The following RAD18 variants were observed in gnomAD, a reference collection of about 807,000 sequenced individuals.
RAD18 encodes the protein E3 ubiquitin-protein ligase RAD18.
A neutral mutation model predicts 60.4 loss-of-function variants in RAD18; 47 were observed. The ratio of observed to expected loss-of-function variants is 0.78; its 90% CI spans 0.62 to 0.99. The LOEUF is 0.99. RAD18 is among the 50% of genes least tolerant of loss of function. RAD18 has a pLI of 0.00. For missense variants in RAD18, 640 were observed against 593.3 expected (o/e 1.08, Z -0.82); for synonymous variants, 225 against 195.5 (o/e 1.15, Z -1.26).
chr3:8,956,766 C>G (rs547164447), intron 2 of RAD18, among the ~76,000 whole-genome samples: 1 of 100,098 alleles, frequency 1.0e-5, no homozygotes, highest in South Asian at 2.7e-4. Flanking sequence ...AAAAAATCCT[C>G]TCGCCTAACC....
At chr3:8,881,594 A>C in intron 12 of RAD18, 135 bp from the exon 13 acceptor site, 1 of 656,914 alleles carries the variant, frequency 1.5e-6, no homozygotes, top group Non-Finnish European at 2.6e-6. Flanking sequence ...ATGAATTCAT[A>C]ATTGTTATTA....
chr3:8,943,700 C>T (rs180852413), intron 4 of RAD18, among the ~76,000 whole-genome samples: 105 of 151,166 alleles, frequency 6.9e-4, no homozygotes, highest in African/African-American at 2.2e-3. Flanking sequence ...TTACATGAAA[C>T]GCAACAACAG....
intron 7 of RAD18, among the ~76,000 whole-genome samples, chr3:8,932,120 T>C (rs602193): frequency 0.71 from 107,262 of 152,048 alleles, 38,277 homozygotes; most frequent in Middle Eastern, 0.78. Flanking sequence ...TGCAACACAA[T>C]TGTATACATA....
At chr3:8,909,064 A>G (rs977346531) in intron 9 of RAD18, among the ~76,000 whole-genome samples, 9 of 152,168 alleles carry the variant, frequency 5.9e-5, no homozygotes, top group African/African-American at 2.2e-4. Flanking sequence ...GAGTATAGAT[A>G]GGGGGGTCAG....
At chr3:8,938,103 A>T (rs1940684404) in intron 6 of RAD18, among the ~76,000 whole-genome samples, 1 of 151,976 alleles carries the variant, frequency 6.6e-6, no homozygotes, top group African/African-American at 2.4e-5. Flanking sequence ...AGTTCATCAA[A>T]CTCTCGTGGC....
At chr3:8,928,070 AT>A (rs1940477639) in intron 7 of RAD18, among the ~76,000 whole-genome samples, 1 of 151,198 alleles carries the variant, frequency 6.6e-6, no homozygotes. Context: ...AAAAAAAAGA[AT>A]GAAAGTCTTA....
rs1197937978 is a variant in RAD18, at chr3:8,885,229, C to T, written c.1386-3770G>A. Reference sequence around the variant, plus strand: ...GAGACAGTGGTCAGATCAAGGACCACTGTAAACAGGCCTGAGTTTCCTTTT... The same window carrying T: ...GAGACAGTGGTCAGATCAAGGACCATTGTAAACAGGCCTGAGTTTCCTTTT... On this transcript the variant is annotated intron_variant, in intron 12 of 12. Coordinates refer to ENST00000264926, the MANE Select transcript of RAD18 (RefSeq NM_020165.4). Among the ~76,000 whole-genome samples, 7 of 152,288 alleles carry T rather than the reference C, an allele frequency of 4.6e-5. No homozygotes were observed. The East Asian group carries it at 1.2e-3, about 25-fold the overall frequency.
At chr3:8,893,512 C>A (rs1939727921) in intron 11 of RAD18, among the ~76,000 whole-genome samples, 1 of 152,070 alleles carries the variant, frequency 6.6e-6, no homozygotes, top group African/African-American at 2.4e-5. Flanking sequence ...TTTTAGTAAT[C>A]TGTAAGACAA....
chr3:8,914,997 A>AAC (rs1940173673), intron 7 of RAD18, among the ~76,000 whole-genome samples: 1 of 151,240 alleles, frequency 6.6e-6, no homozygotes, highest in Non-Finnish European at 1.5e-5. Context: ...AAATTTTTTA[A>AAC]AATTAGCCGG....
At chr3:8,926,351 A>G (rs1940434386) in intron 7 of RAD18, among the ~76,000 whole-genome samples, 1 of 152,198 alleles carries the variant, frequency 6.6e-6, no homozygotes, top group Admixed American at 6.5e-5. Flanking sequence ...CAACTTACAA[A>G]GGATGTGAAG....
At chr3:8,908,414 G>A (rs986610854) in intron 9 of RAD18, among the ~76,000 whole-genome samples, 1 of 152,028 alleles carries the variant, frequency 6.6e-6, no homozygotes, top group African/African-American at 2.4e-5. Context: ...TATAAAAGGG[G>A]GAAATTTGGA....
At chr3:8,954,637 G>T (rs550024636) in intron 2 of RAD18, among the ~76,000 whole-genome samples, 54 of 152,242 alleles carry the variant, frequency 3.5e-4, no homozygotes, top group African/African-American at 1.3e-3. Context: ...TGTACCTGCA[G>T]AACTACAAAT....
intron 12 of RAD18, among the ~76,000 whole-genome samples, chr3:8,883,088 A>C (rs1171478917): frequency 6.6e-6 from 1 of 152,244 alleles, no homozygotes; most frequent in East Asian, 1.9e-4. Context: ...AGATACAAAG[A>C]GAAAAAGGAG....
chr3:8,893,308 A>G (rs567557082), intron 11 of RAD18, among the ~76,000 whole-genome samples: 80 of 152,316 alleles, frequency 5.3e-4, no homozygotes, highest in African/African-American at 1.9e-3. Flanking sequence ...TTTTTCTAGC[A>G]TCTAGTAGTT....
intron 9 of RAD18, among the ~76,000 whole-genome samples, chr3:8,903,915 G>GA (rs1373581554): frequency 6.6e-6 from 1 of 152,122 alleles, no homozygotes; most frequent in Non-Finnish European, 1.5e-5. Flanking sequence ...TGGGTGTAGG[G>GA]AAAAAATTGT....
intron 9 of RAD18, among the ~76,000 whole-genome samples, chr3:8,909,934 C>A (rs1253090122): frequency 1.3e-5 from 2 of 152,220 alleles, no homozygotes. Context: ...GACAAGCTTG[C>A]ATACACCGTT....
At chr3:8,925,149 T>C (rs1940409248) in intron 7 of RAD18, among the ~76,000 whole-genome samples, 1 of 151,452 alleles carries the variant, frequency 6.6e-6, no homozygotes, top group Non-Finnish European at 1.5e-5. Context: ...ATCAAGAAAA[T>C]TAATAGACTG....
intron 7 of RAD18, among the ~76,000 whole-genome samples, chr3:8,921,698 T>C (rs1940323477): frequency 6.6e-6 from 1 of 150,702 alleles, no homozygotes; most frequent in African/African-American, 2.4e-5. Context: ...CCAAACACTG[T>C]GGAAATCCAG....
At chr3:8,897,125 T>A (rs895312821) in intron 11 of RAD18, among the ~76,000 whole-genome samples, 1 of 152,230 alleles carries the variant, frequency 6.6e-6, no homozygotes, top group African/African-American at 2.4e-5. Flanking sequence ...TTCTTTTTTT[T>A]AATTAGCAAA....
Sources: allele counts gnomAD v4.1 joint callset (sites outside exome capture counted in the v4.1 genomes callset), GRCh38; gene constraint gnomAD v4.1.1; transcripts MANE v1.5; gene names NCBI Gene and HGNC (gene_info 2026-07-23, HGNC 2026-07-21).